The following DOCK1 variants were observed in gnomAD, a reference collection of about 807,000 sequenced individuals.
DOCK1 encodes dedicator of cytokinesis protein 1.
Under a neutral mutation model 262.7 loss-of-function variants are expected in DOCK1, and 138 were observed. The ratio of observed to expected loss-of-function variants is 0.53; its 90% confidence interval spans 0.46 to 0.61. The LOEUF is 0.61. DOCK1 is among the 20% of genes least tolerant of loss of function. DOCK1 has a pLI of 0.00. For synonymous variants in DOCK1, 866 were observed against 867.4 expected, an observed-to-expected ratio of 1.00 and a Z score of 0.03; for missense variants, 1,908 against 2,370.7, an observed-to-expected ratio of 0.80 and a Z score of 4.05.
chr10:127,328,828 C>T (rs1209954702), intron 29 of DOCK1, among the ~76,000 whole-genome samples: 1 of 152,184 alleles, frequency 6.6e-6, no homozygotes, highest in South Asian at 2.1e-4. Flanking sequence ...AACTGAGTCA[C>T]ACCAATGGTA....
intron 23 of DOCK1, among the ~76,000 whole-genome samples, chr10:127,093,206 C>CTTTCTTTCTTTCTTTCTTTGTTTT (rs1554883895): frequency 8.3e-6 from 1 of 119,982 alleles, no homozygotes; most frequent in South Asian, 2.6e-4. Context: ...CTTTTTCTTT[C>CTTTCTTTCTTTCTTTCTTTGTTTT]TTTCTTTCTT....
chr10:127,125,727 C>A (rs2133079140), intron 26 of DOCK1, 126 bp downstream of exon 26: 3 of 1,321,246 alleles, frequency 2.3e-6, no homozygotes, highest in Admixed American at 3.2e-5. Context: ...CTTTTTGTCT[C>A]GGTAGAGTTG....
chr10:127,349,665 T>C (rs1057124616), intron 31 of DOCK1, among the ~76,000 whole-genome samples: 5 of 152,166 alleles, frequency 3.3e-5, no homozygotes, highest in Admixed American at 2.6e-4. Context: ...CTCACAGTTA[T>C]GGAGGGCAGA....
At chr10:126,948,942 G>A (rs1013484184) in intron 1 of DOCK1, among the ~76,000 whole-genome samples, 3 of 152,240 alleles carry the variant, frequency 2.0e-5, no homozygotes, top group African/African-American at 4.8e-5. Flanking sequence ...CCTGGGCCCC[G>A]CAAGCTGGGC....
At chr10:126,975,101 T>G (rs976480610) in intron 2 of DOCK1, among the ~76,000 whole-genome samples, 4 of 152,118 alleles carry the variant, frequency 2.6e-5, no homozygotes, top group African/African-American at 9.7e-5. Context: ...TTAACAGATG[T>G]AAGTGTGTCA....
At chr10:126,912,746 A>G (rs558527146) in intron 1 of DOCK1, among the ~76,000 whole-genome samples, 40 of 149,508 alleles carry the variant, frequency 2.7e-4, no homozygotes, top group African/African-American at 9.3e-4. Flanking sequence ...AAAAAAAAAG[A>G]AAGAAAGGAC....
In DOCK1 at chr10:127,339,005, G is replaced by C. The variant is rs868754047; in HGVS notation, c.3045-1G>C. The C allele has an allele frequency of 2.5e-6, 4 of 1,575,320 alleles. No individual in the cohort carries two copies. Among genetic ancestry groups the C allele is most frequent in the Non-Finnish European group, 3.4e-6 (4 of 1,160,184 alleles). On this transcript the variant is annotated splice_acceptor_variant, in intron 29 of 51. Coordinates refer to ENST00000623213, the MANE Select transcript of DOCK1 (RefSeq NM_001290223.2). LOFTEE classifies it high-confidence loss of function. ...TATGTAATTTTCTCTTGATCTTTCAGAGTCTTCCTGCGAGCAATTAATCAG... is the reference window on the plus strand; with the variant it reads ...TATGTAATTTTCTCTTGATCTTTCACAGTCTTCCTGCGAGCAATTAATCAG...
chr10:127,185,217 T>C (rs1462552600), intron 27 of DOCK1, among the ~76,000 whole-genome samples: 1 of 152,166 alleles, frequency 6.6e-6, no homozygotes, highest in Non-Finnish European at 1.5e-5. Flanking sequence ...GTCATCCTTC[T>C]TTACTTACTG....
chr10:126,963,174 T>C (rs1485132225), intron 1 of DOCK1, among the ~76,000 whole-genome samples: 3 of 152,200 alleles, frequency 2.0e-5, no homozygotes, highest in Non-Finnish European at 2.9e-5. Flanking sequence ...GTTTTTGTTT[T>C]TCAAGATTGT....
chr10:126,996,787 G>A lies in DOCK1; in HGVS notation c.513G>A (p.Gly171=), dbSNP rs768490437. 2.5e-6 allele frequency: 4 copies of A among 1,612,362 alleles called. No individual in the cohort carries two copies. Among genetic ancestry groups the A allele is most frequent in the East Asian group, 2.2e-5 (1 of 44,746 alleles). ...DLDLVVRDED[G]NILDPELTST... Reference sequence around the variant, plus strand: ...ACCTGGTGGTTAGAGATGAAGATGGGAATATTTTGGATCCAGAATTAACTA... The same window carrying A: ...ACCTGGTGGTTAGAGATGAAGATGGAAATATTTTGGATCCAGAATTAACTA... Residue 171 remains glycine (G), a synonymous_variant, in exon 7 of 52, where the codon GGG becomes GGA. Coordinates refer to ENST00000623213, the MANE Select transcript of DOCK1 (RefSeq NM_001290223.2).
At chr10:126,920,498 C>T (rs1356527215) in intron 1 of DOCK1, among the ~76,000 whole-genome samples, 1 of 152,138 alleles carries the variant, frequency 6.6e-6, no homozygotes, top group Non-Finnish European at 1.5e-5. Flanking sequence ...AAATGAGGGT[C>T]CTGCCACCAG....
intron 44 of DOCK1, 120 bp downstream of exon 44, chr10:127,415,358 A>G (rs1334335519): frequency 7.6e-6 from 7 of 919,354 alleles, no homozygotes; most frequent in East Asian, 2.7e-5. Flanking sequence ...AGCAGACTCT[A>G]CAGTTCCCAT....
At chr10:126,943,747 A>G (rs1323635109) in intron 1 of DOCK1, among the ~76,000 whole-genome samples, 1 of 152,098 alleles carries the variant, frequency 6.6e-6, no homozygotes, top group Non-Finnish European at 1.5e-5. Context: ...GGCTTTTTAA[A>G]TAGGTGCTTT....
chr10:127,166,199 G>T (rs1358879602), intron 27 of DOCK1, among the ~76,000 whole-genome samples: 1 of 152,118 alleles, frequency 6.6e-6, no homozygotes, highest in East Asian at 1.9e-4. Context: ...CCAAGTAGCT[G>T]GGACTACAGG....
At chr10:127,131,844 C>G (rs1378636222) in intron 27 of DOCK1, among the ~76,000 whole-genome samples, 1 of 152,074 alleles carries the variant, frequency 6.6e-6, no homozygotes, top group African/African-American at 2.4e-5. Flanking sequence ...GAGATTTCAG[C>G]CTTTATGTGT....
intron 23 of DOCK1, among the ~76,000 whole-genome samples, chr10:127,063,428 A>G (rs1184344282): frequency 6.6e-6 from 1 of 152,144 alleles, no homozygotes; most frequent in Non-Finnish European, 1.5e-5. Flanking sequence ...GAGGTGGTGC[A>G]GCTGTTTGGT....
intron 19 of DOCK1, among the ~76,000 whole-genome samples, chr10:127,041,142 T>G (rs1437494480): frequency 6.6e-6 from 1 of 152,136 alleles, no homozygotes; most frequent in Non-Finnish European, 1.5e-5. Flanking sequence ...CAGGCTGGAG[T>G]GCAAAGGCGC....
At chr10:127,191,952 G>C (rs1438551442) in intron 27 of DOCK1, among the ~76,000 whole-genome samples, 1 of 152,184 alleles carries the variant, frequency 6.6e-6, no homozygotes, top group Admixed American at 6.5e-5. Flanking sequence ...CTCATATGTT[G>C]TAGTTTACTG....
chr10:127,027,184 C>T lies in DOCK1; in HGVS notation c.1624+760C>T, dbSNP rs911601375. Among the ~76,000 whole-genome samples the T allele has an allele frequency of 5.9e-5, 9 of 152,240 alleles. No homozygotes were observed. The East Asian group carries it at 1.2e-3, about 20-fold the overall frequency. ...GAAAAGAGTGGTGTGGAGGGCAGAC[C>T]GCCCTTTGTCACTGATGACCCCGTG... On this transcript the variant is annotated intron_variant, in intron 16 of 51. Coordinates refer to ENST00000623213, the MANE Select transcript of DOCK1 (RefSeq NM_001290223.2).
Sources: gnomAD v4.1 joint callset for allele counts (sites outside exome capture counted in the v4.1 genomes callset) on GRCh38, gnomAD v4.1.1 for gene constraint, MANE v1.5 for transcripts, NCBI Gene and HGNC (gene_info 2026-07-23, HGNC 2026-07-21) for gene names.